The following RETSAT variants were observed in gnomAD, a reference collection of about 807,000 sequenced individuals.
The protein encoded by RETSAT is all-trans-retinol 13,14-reductase.
In RETSAT, 35 loss-of-function variants were observed where a neutral mutation model predicts 61.6. The observed-to-expected ratio is 0.57, with a 90% CI of 0.43 to 0.75. The LOEUF is 0.75. Among genes scored for constraint, RETSAT ranks in the 30% least tolerant of loss-of-function variants. The probability of loss-of-function intolerance (pLI) is 0.00; values close to 1 mark genes in which losing one functional copy is unlikely to be tolerated. For missense variants in RETSAT, 670 were observed against 759.5 expected, an observed-to-expected ratio of 0.88 and a Z score of 1.38; for synonymous variants, 277 against 310.4, an observed-to-expected ratio of 0.89 and a Z score of 1.13.
Position 85,344,132 on chromosome 2 carries a change from G to A in RETSAT, c.1400C>T (p.Ala467Val). ...RSTMIMLIPT[A>V]YEWFEEWQAE... The stretch of plus-strand genomic sequence containing the variant: ...CTGCCACTCCTCAAACCACTCGTAG[G>A]CAGTGGGTATGAGCATGATCATGGT... Residue 467 changes from alanine to valine, a missense_variant, in exon 9 of 11, where the codon GCC becomes GTC. Physicochemically the swap from Ala to Val is moderately conservative, Grantham distance 64. Coordinates refer to ENST00000295802, the MANE Select transcript of RETSAT (RefSeq NM_017750.4). 1 of 1,614,074 alleles carries A rather than the reference G, an allele frequency of 6.2e-7. No homozygotes were observed. Among genetic ancestry groups the A allele is most frequent in the Non-Finnish European group, 8.5e-7 (1 of 1,180,002 alleles).
chr2:85,345,847 T>C (rs751061201), intron 6 of RETSAT, 128 bp downstream of exon 6: 1 of 1,169,980 alleles, frequency 8.5e-7, no homozygotes, highest in South Asian at 1.2e-5. Context: ...CGTTCTCACC[T>C]TGTTGCTTAA....
At position 85,350,274 on chromosome 2, in the gene RETSAT, C is replaced by T. The variant is rs756019130; in HGVS notation, c.598-33G>A. On this transcript the variant is annotated intron_variant, in intron 3 of 10. Transcript: ENST00000295802. ...AGTGAATGAGGACAGCAGGCCTCAC[C>T]TCTAGAACCGCTTTGACAGAACTGC... 2.0e-6 allele frequency: 3 copies of T among 1,520,914 alleles called. No individual in the cohort carries two copies. In the African/African-American group the frequency reaches 4.1e-5, roughly 21 times the overall value. The allele number at this position is 1,520,914 out of a possible 1,614,324, so 94.2% of individuals were successfully genotyped here. A position where few individuals can be genotyped will look rare whatever the true frequency, so the allele number is the denominator to read the frequency against.
intron 2 of RETSAT, chr2:85,351,447 A>G: frequency 2.0e-6 from 1 of 498,960 alleles, no homozygotes. Context: ...AGACTGAGGC[A>G]TGAGAATCAC....
chr2:85,344,216 T>A, intron 8 of RETSAT, 23 bp downstream of exon 8: 1 of 1,614,032 alleles, frequency 6.2e-7, no homozygotes, highest in Non-Finnish European at 8.5e-7. Context: ...CTCCACCCCC[T>A]CACCCGGGAC....
Position 85,345,951 on chromosome 2 carries a change from G to A in RETSAT, c.1117+24C>T, listed in dbSNP as rs755762752. The A allele has an allele frequency of 5.0e-6, 8 of 1,614,072 alleles. No homozygotes were observed. In the South Asian group the frequency reaches 7.7e-5, roughly 16 times the overall value. ...GGACACATTGGGGAACCTGCAAGAG[G>A]GGCAGTGCAGACCCGCCTTTTACCT... On this transcript the variant is annotated intron_variant, in intron 6 of 10. Coordinates refer to ENST00000295802, the MANE Select transcript of RETSAT (RefSeq NM_017750.4).
Position 85,343,134 on chromosome 2 carries a change from T to C in RETSAT, c.*108A>G. 6.7e-7 allele frequency: 1 copy of C among 1,490,128 alleles called. No homozygotes were observed. Among genetic ancestry groups the C allele is most frequent in the South Asian group, 1.3e-5 (1 of 77,138 alleles). 92.3% of individuals were successfully genotyped at this position (1,490,128 alleles called of 1,614,324 possible). A position where few individuals can be genotyped will look rare whatever the true frequency, so the allele number is the denominator to read the frequency against. Reference sequence around the variant, plus strand: ...CCTCTCTTCAGGCATCAGAACCAAATTAGAGTGCTTTATACGTGCAAGGAA... The same window carrying C: ...CCTCTCTTCAGGCATCAGAACCAAACTAGAGTGCTTTATACGTGCAAGGAA... On this transcript the variant is annotated 3_prime_UTR_variant, in exon 11 of 11. Transcript: ENST00000295802.
intron 6 of RETSAT, chr2:85,345,694 G>A (rs1434180512): frequency 5.8e-6 from 3 of 516,070 alleles, no homozygotes; most frequent in African/African-American, 1.9e-5. Flanking sequence ...AGAAGGGTGG[G>A]AGGAGCGGAG....
rs1050362575 is a variant in RETSAT, at chr2:85,342,160, C to G, written c.*1082G>C. 4 of 225,120 alleles carry G rather than the reference C, an allele frequency of 1.8e-5. No homozygotes were observed. The highest frequency in any genetic ancestry group is 2.6e-5 in the Non-Finnish European group (3 of 114,618). 13.9% of individuals were successfully genotyped at this position (225,120 alleles called of 1,614,324 possible). A position where few individuals can be genotyped will look rare whatever the true frequency, so the allele number is the denominator to read the frequency against. The stretch of plus-strand genomic sequence containing the variant: ...TAACACGAACTACAAAGAGACCTTT[C>G]GTATGTCTGATACCAAAGACATAAC... On this transcript the variant is annotated 3_prime_UTR_variant, in exon 11 of 11. Transcript: ENST00000295802.
At chr2:85,351,181 C>T (rs542809044) in intron 2 of RETSAT, among the ~76,000 whole-genome samples, 160 bp from the exon 3 acceptor site, 41 of 152,148 alleles carry the variant, frequency 2.7e-4, no homozygotes, top group African/African-American at 6.5e-4. Flanking sequence ...CAGCAGAAAC[C>T]GCCAGATCGC....
intron 1 of RETSAT, 27 bp from the exon 2 acceptor site, chr2:85,351,889 T>G: frequency 6.2e-7 from 1 of 1,606,096 alleles, no homozygotes; most frequent in Non-Finnish European, 8.5e-7. Flanking sequence ...AAAGGGTGGG[T>G]TTCTCAGGCA....
Position 85,351,728 on chromosome 2 carries a change from C to T in RETSAT, c.307G>A (p.Gly103Arg). 1 of 1,614,194 alleles carries T rather than the reference C, an allele frequency of 6.2e-7. No homozygotes were observed. The highest frequency in any genetic ancestry group is 8.5e-7 in the Non-Finnish European group (1 of 1,180,032). The part of the protein sequence containing the change: ...VLVLEQHTKA[G>R]GCCHTFGKNG... ...TTTCCAAAGGTATGACAGCAGCCCC[C>T]TGCCTTGGTATGTTGTTCCAGCACC... The change falls in exon 2 of 11, where the codon GGG becomes AGG. Residue 103 changes from glycine (G) to arginine (R), a missense_variant. By Grantham distance (125) the Gly-to-Arg change is moderately radical. Transcript: ENST00000295802.
At position 85,346,014 on chromosome 2, in the gene RETSAT, A is replaced by T; in HGVS notation, c.1078T>A (p.Tyr360Asn). 1 of 1,614,176 alleles carries T rather than the reference A, an allele frequency of 6.2e-7. No individual in the cohort carries two copies. Residue 360 changes from tyrosine (Y) to asparagine (N), a missense_variant, in exon 6 of 11, where the codon TAT (tyrosine) becomes AAT (asparagine). Transcript: ENST00000295802. ...VVSNAGLFNTYEHLLPGNARC... is the reference protein window; with the variant it reads ...VVSNAGLFNTNEHLLPGNARC... ...GCGTTCCCCGGCAGTAGGTGTTCAT[A>T]GGTGTTGAACAGTCCTGCGTTGGAG...
Position 85,354,405 on chromosome 2 carries a change from C to T in RETSAT, c.103G>A (p.Glu35Lys). The change falls in exon 1 of 11, where the codon GAA becomes AAA. Residue 35 changes from glutamate (E) to lysine (K), a missense_variant. Coordinates refer to ENST00000295802, the MANE Select transcript of RETSAT (RefSeq NM_017750.4). ...FSGSSPNPFS[E>K]DVKRPPAPLV... is the part of the protein sequence containing the mutation. ...GGCGCTGGGGGCCGTTTGACATCTT[C>T]GGAGAAAGGATTCGGGGAGCTGCCA... 1 of 1,614,204 alleles carries T rather than the reference C, an allele frequency of 6.2e-7. No individual in the cohort carries two copies. The highest frequency in any genetic ancestry group is 1.7e-5 in the Admixed American group (1 of 60,020).
chr2:85,350,355 C>A, intron 3 of RETSAT, 114 bp from the exon 4 acceptor site: 1 of 763,094 alleles, frequency 1.3e-6, no homozygotes, highest in South Asian at 1.6e-5. Flanking sequence ...CCTGACTGAA[C>A]TTTGCTGAAT....
intron 5 of RETSAT, 56 bp downstream of exon 5, chr2:85,349,328 G>C: frequency 6.3e-7 from 1 of 1,578,470 alleles, no homozygotes; most frequent in Non-Finnish European, 8.7e-7. Context: ...GAGACCCCAG[G>C]TCTCGCCCAC....
Position 85,341,978 on chromosome 2 carries a change from A to AT in RETSAT, c.*1263dup. 1 of 602,722 alleles carries AT rather than the reference A, an allele frequency of 1.7e-6. No homozygotes were observed. The allele number at this position is 602,722 out of a possible 1,614,324, so 37.3% of individuals were successfully genotyped here. On this transcript the variant is annotated 3_prime_UTR_variant, in exon 11 of 11. Transcript: ENST00000295802. ...TGTAACTTTATAATTACTTAATTTT[A>AT]TTTTTTTAAAGCTTATTTTGGTGTT...
At chr2:85,346,736 A>G (rs1242127448) in intron 5 of RETSAT, among the ~76,000 whole-genome samples, 1 of 152,212 alleles carries the variant, frequency 6.6e-6, no homozygotes, top group Admixed American at 6.5e-5. Flanking sequence ...CCTGGGCAAA[A>G]GAGTGAGACC....
intron 5 of RETSAT, among the ~76,000 whole-genome samples, chr2:85,349,060 T>TTTTTTTTGTTTGTTTG (rs1558683119): frequency 6.6e-6 from 1 of 151,750 alleles, no homozygotes; most frequent in African/African-American, 2.4e-5. Context: ...TATTTTTGTT[T>TTTTTTTTGTTTGTTTG]TTTTTTTTTT....
Position 85,344,629 on chromosome 2 carries a change from G to A in RETSAT, c.1221C>T (p.Asn407=). The change falls in exon 7 of 11, where the codon AAC becomes AAT. Residue 407 remains asparagine (N), a synonymous_variant. Coordinates refer to ENST00000295802, the MANE Select transcript of RETSAT (RefSeq NM_017750.4). ...TKEDLHLPST[N]YYVYYDTDMD... ...TGTCCGTGTCATAGTAAACATAGTA[G>A]TTGGTGGACGGCAGATGCAGGTCTT... is the stretch of plus-strand genomic sequence containing the variant. The A allele has an allele frequency of 1.2e-6, 2 of 1,614,210 alleles. No individual in the cohort carries two copies. The highest frequency in any genetic ancestry group is 1.7e-6 in the Non-Finnish European group (2 of 1,180,030).
Sources: gnomAD v4.1 joint callset for allele counts (sites outside exome capture counted in the v4.1 genomes callset) on GRCh38, gnomAD v4.1.1 for gene constraint, MANE v1.5 for transcripts, NCBI Gene and HGNC (gene_info 2026-07-23, HGNC 2026-07-21) for gene names.